Variants in NAV1 observed in about 807,000 individuals in gnomAD.
NAV1 encodes pore membrane and/or filament interacting like protein 3.
In NAV1, 18 loss-of-function variants were observed where a neutral mutation model predicts 175.2. The ratio of observed to expected loss-of-function variants is 0.10; its 90% CI spans 0.07 to 0.15. The LOEUF (loss-of-function observed/expected upper bound fraction) is 0.15. Ranked by LOEUF, NAV1 falls within the 10% of genes least tolerant of loss-of-function variation. NAV1 has a pLI of 1.00. For missense variants in NAV1, 1,731 were observed against 2,436.6 expected (o/e 0.71, Z 6.10); for synonymous variants, 897 against 978.7 (o/e 0.92, Z 1.56).
chr1:201,657,920 C>A (rs189565984), intron 1 of NAV1, among the ~76,000 whole-genome samples: 1 of 152,222 alleles, frequency 6.6e-6, no homozygotes, highest in Non-Finnish European at 1.5e-5. Context: ...GTAGTCCCAG[C>A]TACTTGGGAG....
At chr1:201,758,857 T>C (rs994065149) in intron 3 of NAV1, among the ~76,000 whole-genome samples, 4 of 152,224 alleles carry the variant, frequency 2.6e-5, no homozygotes, top group Non-Finnish European at 5.9e-5. Flanking sequence ...TTAAAAACAG[T>C]CTTTAGAGTC....
At chr1:201,809,655 C>A in intron 22 of NAV1, 118 bp downstream of exon 26, 1 of 922,100 alleles carries the variant, frequency 1.1e-6, no homozygotes. Flanking sequence ...GTGATCACAG[C>A]TCACTGCAGC....
rs1238427425 is a variant in NAV1 at position 201,738,253 on chromosome 1, G to T, written c.1226+19498G>T. ...CTAGGGGGAAGTCTGAGGGATTGGC[G>T]CTAGGATCACTGCAGCTCTTTACTC... On this transcript the variant is annotated intron_variant, in intron 3 of 29. Transcript: ENST00000367296. 2.0e-5 allele frequency among the ~76,000 whole-genome samples: 3 copies of T among 152,154 alleles called. No individual in the cohort carries two copies. In the East Asian group the frequency reaches 5.8e-4, roughly 29 times the overall value.
At chr1:201,739,686 C>T (rs995167193) in intron 3 of NAV1, 62 of 851,764 alleles carry the variant, frequency 7.3e-5, no homozygotes, top group Non-Finnish European at 9.1e-5. Context: ...TCGGCACCTC[C>T]AGGCTTCCGA....
At chr1:201,819,749 T>C (rs1166145648) in intron 29 of NAV1, 88 bp from the exon 34 acceptor site, 1 of 1,184,164 alleles carries the variant, frequency 8.4e-7, no homozygotes, top group Admixed American at 1.8e-5. Flanking sequence ...CCTCCCAAAG[T>C]GTTGGGATTT....
rs545029955 is a variant in NAV1, at chr1:201,668,398, C to T, written c.757+18973C>T. The stretch of plus-strand genomic sequence containing the variant: ...TGTTCGTTAATGGGCACCTTAAAAG[C>T]CTTGGCACAGAGAACCGTGTGCCAT... On this transcript the variant is annotated intron_variant, in intron 1 of 29. Coordinates refer to ENST00000367296, the Ensembl canonical transcript of NAV1. Among the ~76,000 whole-genome samples, 10 of 152,306 alleles carry T rather than the reference C, an allele frequency of 6.6e-5. 1 individual carries two copies. In the South Asian group the frequency reaches 2.1e-3, roughly 32 times the overall value.
intron 3 of NAV1, among the ~76,000 whole-genome samples, chr1:201,743,601 A>G (rs1673572029): frequency 6.6e-6 from 1 of 152,208 alleles, no homozygotes; most frequent in Non-Finnish European, 1.5e-5. Context: ...AATTATGACC[A>G]CGTGAAGTCA....
intron 1 of NAV1, among the ~76,000 whole-genome samples, chr1:201,669,155 A>G (rs557274966): frequency 2.0e-5 from 3 of 152,218 alleles, no homozygotes; most frequent in African/African-American, 4.8e-5. Context: ...AATTTCAACA[A>G]TGAACAAATA....
At chr1:201,651,059 A>G (rs937397508) in intron 1 of NAV1, among the ~76,000 whole-genome samples, 3 of 151,572 alleles carry the variant, frequency 2.0e-5, no homozygotes, top group Non-Finnish European at 4.4e-5. Flanking sequence ...GACAAAATGC[A>G]ACTGGCCCAT....
At position 201,718,661 on chromosome 1, in the gene NAV1, CTGG is replaced by C; in HGVS notation, c.1133_1135del (p.Leu378_Asp379delinsHis). 1.2e-6 allele frequency: 2 copies of C among 1,614,216 alleles called. No homozygotes were observed. The highest frequency in any genetic ancestry group is 1.7e-6 in the Non-Finnish European group (2 of 1,180,046). ...CTCCCGCCTGGAGCTGGTCGAATCC[CTGG>C]ACTCGGATGAGGTGGACCTCAAGTC... On this transcript the variant is annotated inframe_deletion, in exon 3 of 30. Transcript: ENST00000367296. The surrounding 1 kb of genome is among the most constrained non-coding windows in gnomAD (Gnocchi z 4.8).
At chr1:201,655,204 A>G (rs1426582265) in intron 1 of NAV1, among the ~76,000 whole-genome samples, 1 of 151,992 alleles carries the variant, frequency 6.6e-6, no homozygotes. Flanking sequence ...CCTACCGGGG[A>G]CCCACAGCAC....
intron 1 of NAV1, among the ~76,000 whole-genome samples, chr1:201,674,396 G>C (rs562521236): frequency 2.7e-4 from 41 of 152,096 alleles, no homozygotes; most frequent in African/African-American, 9.9e-4. Flanking sequence ...TGTGTTGGGG[G>C]GGGTTGTCCA....
intron 3 of NAV1, among the ~76,000 whole-genome samples, chr1:201,751,259 G>A (rs1674084996): frequency 6.6e-6 from 1 of 152,244 alleles, no homozygotes; most frequent in Non-Finnish European, 1.5e-5. Flanking sequence ...ACATGTCAGA[G>A]AAGCCAGGAA....
intron 1 of NAV1, among the ~76,000 whole-genome samples, chr1:201,570,624 C>T (rs1430853850): frequency 2.6e-5 from 4 of 152,356 alleles, no homozygotes; most frequent in South Asian, 4.1e-4. Context: ...ACAGCCTGGC[C>T]TATACTGAAG....
chr1:201,742,933 A>AG (rs1487832821), intron 3 of NAV1, among the ~76,000 whole-genome samples: 2 of 152,148 alleles, frequency 1.3e-5, no homozygotes, highest in African/African-American at 4.8e-5. Context: ...GCATCTTAAT[A>AG]GGGGGGACAG....
At chr1:201,615,346 C>A (rs1042802599) in intron 2 of NAV1, among the ~76,000 whole-genome samples, 21 of 151,498 alleles carry the variant, frequency 1.4e-4, no homozygotes, top group Non-Finnish European at 2.6e-4. Context: ...CTCACTGCAA[C>A]CTCTGCCACC....
At chr1:201,736,091 T>TC (rs1673103434) in intron 3 of NAV1, among the ~76,000 whole-genome samples, 1 of 152,218 alleles carries the variant, frequency 6.6e-6, no homozygotes, top group South Asian at 2.1e-4. Context: ...GGCCCAGCTA[T>TC]CACCCACAGG....
chr1:201,661,533 G>C (rs1386809245), intron 1 of NAV1, among the ~76,000 whole-genome samples: 4 of 152,176 alleles, frequency 2.6e-5, no homozygotes, highest in African/African-American at 9.7e-5. Context: ...CTGTTTGTCT[G>C]CCTCTTTTTG....
chr1:201,716,211 G>A (rs1672135528), intron 2 of NAV1, among the ~76,000 whole-genome samples: 2 of 152,130 alleles, frequency 1.3e-5, no homozygotes, highest in African/African-American at 2.4e-5. Flanking sequence ...TCTTAGTATG[G>A]TTAGCATCAT....
Sources: gnomAD v4.1 joint callset for allele counts (sites outside exome capture counted in the v4.1 genomes callset) on GRCh38, gnomAD v4.1.1 for gene constraint, Gnocchi (gnomAD v3.1) non-coding constraint, MANE v1.5 for transcripts, NCBI Gene and HGNC (gene_info 2026-07-23, HGNC 2026-07-21) for gene names.